The following GABRA1 variants were observed in gnomAD, a reference collection of about 807,000 sequenced individuals.
GABRA1 encodes the protein gamma-aminobutyric acid type A receptor subunit alpha1.
In GABRA1, 9 loss-of-function variants were observed where a neutral mutation model predicts 48.9. That is an observed-to-expected ratio of 0.18 (90% CI 0.11 to 0.32). The LOEUF is 0.32. Among genes scored for constraint, GABRA1 ranks in the 10% least tolerant of loss-of-function variants. GABRA1 has a pLI of 1.00. For synonymous variants in GABRA1, 210 were observed against 198.7 expected (o/e 1.06, Z -0.48); for missense variants, 285 against 553.8 (o/e 0.51, Z 4.87).
intron 4 of GABRA1, among the ~76,000 whole-genome samples, chr5:161,867,559 G>A (rs1157595892): frequency 2.6e-5 from 4 of 152,022 alleles, no homozygotes; most frequent in Non-Finnish European, 5.9e-5. Context: ...TATTATAGTT[G>A]CCTATTCCTT....
Position 161,898,545 on chromosome 5 carries a change from G to A in GABRA1, c.*1123G>A, listed in dbSNP as rs1479964468. 6.6e-6 allele frequency: 1 copy of A among 152,214 alleles called. No individual in the cohort carries two copies. 9.4% of individuals were successfully genotyped at this position (152,214 alleles called of 1,614,324 possible). On this transcript the variant is annotated 3_prime_UTR_variant, in exon 10 of 10. Coordinates refer to ENST00000393943, the MANE Select transcript of GABRA1 (RefSeq NM_001127644.2). ...GTTAAATGCTATGGAAATACATTTAGAACCTGCATTTAAGAACAGAACAGC... is the reference window on the plus strand; with the variant it reads ...GTTAAATGCTATGGAAATACATTTAAAACCTGCATTTAAGAACAGAACAGC...
At chr5:161,891,203 G>GTA (rs1561584901) in intron 8 of GABRA1, among the ~76,000 whole-genome samples, 153 bp downstream of exon 8, 1 of 152,006 alleles carries the variant, frequency 6.6e-6, no homozygotes, top group African/African-American at 2.4e-5. Context: ...TCTCATTATG[G>GTA]TATATATTTT....
At chr5:161,894,450 T>C (rs1755268501) in intron 8 of GABRA1, among the ~76,000 whole-genome samples, 1 of 152,162 alleles carries the variant, frequency 6.6e-6, no homozygotes, top group Non-Finnish European at 1.5e-5. Flanking sequence ...GTCCTTCTCC[T>C]AGAATTTCAA....
At chr5:161,859,079 T>C (rs997694960) in intron 3 of GABRA1, among the ~76,000 whole-genome samples, 2 of 151,840 alleles carry the variant, frequency 1.3e-5, no homozygotes, top group African/African-American at 4.8e-5. Context: ...CTTTTTCCTG[T>C]AAATGTTGTA....
At chr5:161,882,004 A>G in intron 6 of GABRA1, 1 of 155,388 alleles carries the variant, frequency 6.4e-6, no homozygotes, top group Non-Finnish European at 1.4e-5. Context: ...AAGGAGAAGG[A>G]GAAGAAGAAG....
intron 3 of GABRA1, among the ~76,000 whole-genome samples, chr5:161,854,773 A>G (rs942474865): frequency 2.6e-5 from 4 of 151,678 alleles, no homozygotes; most frequent in African/African-American, 9.7e-5. Flanking sequence ...TTAACTGTGC[A>G]TTTGAACTTA....
chr5:161,849,850 A>G (rs986838360), intron 1 of GABRA1, among the ~76,000 whole-genome samples: 1 of 152,198 alleles, frequency 6.6e-6, no homozygotes, highest in Non-Finnish European at 1.5e-5. Context: ...TACATTTTTA[A>G]TTCTCTAAGC....
intron 1 of GABRA1, 51 bp downstream of exon 1, chr5:161,848,473 T>C (rs1419706114): frequency 7.8e-6 from 1 of 127,520 alleles, no homozygotes. Context: ...GAACGTGGCT[T>C]TTCCTAGCTG....
chr5:161,889,089 A>T (rs1229540472), intron 7 of GABRA1, among the ~76,000 whole-genome samples: 1 of 152,034 alleles, frequency 6.6e-6, no homozygotes, highest in African/African-American at 2.4e-5. Context: ...ATAAAGTTGA[A>T]CACAGTAAGT....
chr5:161,868,965 A>C (rs2113366474), intron 4 of GABRA1, among the ~76,000 whole-genome samples: 1 of 152,300 alleles, frequency 6.6e-6, no homozygotes, highest in South Asian at 2.1e-4. Context: ...CCTCTGAACA[A>C]GACAATGTTT....
intron 6 of GABRA1, among the ~76,000 whole-genome samples, chr5:161,879,311 C>T (rs1456891078): frequency 1.3e-5 from 2 of 152,084 alleles, no homozygotes; most frequent in Non-Finnish European, 2.9e-5. Flanking sequence ...AGAATTTTGC[C>T]ATTTTGCCCA....
At chr5:161,860,385 T>C (rs1402324884) in intron 3 of GABRA1, among the ~76,000 whole-genome samples, 1 of 151,440 alleles carries the variant, frequency 6.6e-6, no homozygotes, top group Non-Finnish European at 1.5e-5. Flanking sequence ...TCCAGTTGCA[T>C]CCATGTCACA....
chr5:161,890,266 G>C (rs577087294), intron 7 of GABRA1, among the ~76,000 whole-genome samples: 1 of 152,102 alleles, frequency 6.6e-6, no homozygotes, highest in African/African-American at 2.4e-5. Flanking sequence ...TTCAAAGAAT[G>C]GTTTGTAAAT....
intron 1 of GABRA1, chr5:161,849,010 G>C: frequency 2.2e-6 from 1 of 455,292 alleles, no homozygotes; most frequent in Non-Finnish European, 4.4e-6. Flanking sequence ...ACTCAACTTA[G>C]TCTTTGATAT....
intron 3 of GABRA1, among the ~76,000 whole-genome samples, chr5:161,856,954 T>C (rs1757672451): frequency 6.6e-6 from 1 of 151,220 alleles, no homozygotes; most frequent in Non-Finnish European, 1.5e-5. Context: ...TTTGAAGTAC[T>C]TAATTTTATT....
At chr5:161,872,380 T>C (rs1014445908) in intron 4 of GABRA1, 3 of 152,634 alleles carry the variant, frequency 2.0e-5, no homozygotes, top group Non-Finnish European at 2.9e-5. Flanking sequence ...CTGTGAATGA[T>C]GATGAGCTTC....
rs563306504 is a variant in GABRA1, at chr5:161,850,297, C to T, written c.-15-499C>T. ...TACAGTTGCTTCTGAAATCAAGGTA[C>T]CTGCAGAATTCAAAGAGGAATTCAG... On this transcript the variant is annotated intron_variant, in intron 1 of 9. Transcript: ENST00000393943. 4.6e-4 allele frequency: 113 copies of T among 246,094 alleles called. 3 individuals are homozygous for T. The South Asian group carries it at 0.019, about 42-fold the overall frequency. The allele number at this position is 246,094 out of a possible 1,614,324, so 15.2% of individuals were successfully genotyped here.
At chr5:161,860,742 T>C (rs1757823268) in intron 3 of GABRA1, among the ~76,000 whole-genome samples, 1 of 151,804 alleles carries the variant, frequency 6.6e-6, no homozygotes, top group Non-Finnish European at 1.5e-5. Context: ...AAACATCTCA[T>C]GTACCACATA....
At position 161,883,211 on chromosome 5, in the gene GABRA1, A is replaced by G. The variant is rs12522170; in HGVS notation, c.703+510A>G. 4.8e-3 allele frequency among the ~76,000 whole-genome samples: 730 copies of G among 152,302 alleles called. 4 individuals are homozygous for G. Among genetic ancestry groups the G allele is most frequent in the Middle Eastern group, 0.01 (3 of 294 alleles). The stretch of plus-strand genomic sequence containing the variant: ...GTGATTATTACACGCAGGACATCAA[A>G]AAGCCAATTCCTTCTACAAATTCGT... On this transcript the variant is annotated intron_variant, in intron 7 of 9. Transcript: ENST00000393943.
Sources: allele counts gnomAD v4.1 joint callset (sites outside exome capture counted in the v4.1 genomes callset), GRCh38; gene constraint gnomAD v4.1.1; transcripts MANE v1.5; gene names NCBI Gene and HGNC (gene_info 2026-07-23, HGNC 2026-07-21).